Variants in SLC14A2 observed in about 807,000 individuals in gnomAD.
The protein encoded by SLC14A2 is solute carrier family 14 member 2, also known as urea transporter 2.
Under a neutral mutation model 104.6 loss-of-function variants are expected in SLC14A2, and 91 were observed. The observed-to-expected ratio is 0.87, with a 90% CI of 0.73 to 1.04. The LOEUF (loss-of-function observed/expected upper bound fraction) is 1.04, where lower values mean the gene tolerates loss of function less well. Ranked by LOEUF, SLC14A2 falls within the 50% of genes least tolerant of loss-of-function variation. The pLI is 0.00. For synonymous variants in SLC14A2, 476 were observed against 466.4 expected (o/e 1.02, Z -0.27); for missense variants, 1,189 against 1,156.0 (o/e 1.03, Z -0.41).
chr18:45,438,484 T>C (rs1411419510), intron 1 of SLC14A2: 2 of 152,232 alleles, frequency 1.3e-5, no homozygotes, highest in African/African-American at 4.8e-5. Context: ...TGGGTGTTCA[T>C]ACATGTGTGT....
intron 2 of SLC14A2, among the ~76,000 whole-genome samples, chr18:45,538,549 G>A (rs2043833042): frequency 6.6e-6 from 1 of 152,200 alleles, no homozygotes; most frequent in African/African-American, 2.4e-5. Context: ...TCCCCTGTGG[G>A]CTTCCCCGTA....
At chr18:45,454,295 G>A (rs888090438) in intron 1 of SLC14A2, among the ~76,000 whole-genome samples, 4 of 152,136 alleles carry the variant, frequency 2.6e-5, no homozygotes, top group Non-Finnish European at 5.9e-5. Context: ...TTAAGTGACC[G>A]ATCCAGGTTC....
chr18:45,263,656 T>C (rs1249458905), intron 1 of SLC14A2, among the ~76,000 whole-genome samples: 7 of 152,206 alleles, frequency 4.6e-5, no homozygotes, highest in Non-Finnish European at 1.0e-4. Flanking sequence ...TTGTTTCTCC[T>C]ATGTTTTTTA....
intron 19 of SLC14A2, among the ~76,000 whole-genome samples, chr18:45,681,649 C>T (rs1294684434): frequency 1.3e-5 from 2 of 152,208 alleles, no homozygotes; most frequent in African/African-American, 4.8e-5. Context: ...TTGCCTCTCT[C>T]CATCTCTCTG....
At chr18:45,574,083 G>A (rs956780775) in intron 2 of SLC14A2, among the ~76,000 whole-genome samples, 1 of 152,174 alleles carries the variant, frequency 6.6e-6, no homozygotes, top group African/African-American at 2.4e-5. Flanking sequence ...TTTTTAAATG[G>A]GTAGGATTTG....
chr18:45,644,097 C>T lies in SLC14A2; in HGVS notation c.1288C>T (p.Pro430Ser), dbSNP rs2045579180. Reference protein sequence around the residue: ...FRLPLSKVTYPEANRIYYLTV... With the variant: ...FRLPLSKVTYSEANRIYYLTV... ...ACTCCCACTCAGCAAAGTCACCTAC[C>T]CCGAGGCCAACCGCATCTACTACCT... Residue 430 changes from proline (P) to serine (S), a missense_variant, in exon 10 of 20, where the codon CCC (proline) becomes TCC (serine). Transcript: ENST00000255226. 2.5e-6 allele frequency: 4 copies of T among 1,614,222 alleles called. No homozygotes were observed. Among genetic ancestry groups the T allele is most frequent in the Non-Finnish European group, 3.4e-6 (4 of 1,180,046 alleles).
chr18:45,651,283 G>GGAGGGCATGCCAAGAT (rs1365501230), intron 10 of SLC14A2, among the ~76,000 whole-genome samples: 36 of 152,288 alleles, frequency 2.4e-4, no homozygotes, highest in African/African-American at 8.4e-4. Context: ...CTTTGGCAAA[G>GGAGGGCATGCCAAGAT]GAGGGCATGC....
intron 1 of SLC14A2, among the ~76,000 whole-genome samples, chr18:45,447,100 T>C (rs191755320): frequency 6.6e-6 from 1 of 151,928 alleles, no homozygotes; most frequent in Non-Finnish European, 1.5e-5. Context: ...CCATAGCTCC[T>C]GGTGGGAGGG....
At chr18:45,230,769 T>G (rs1406790251) in intron 1 of SLC14A2, among the ~76,000 whole-genome samples, 1 of 152,212 alleles carries the variant, frequency 6.6e-6, no homozygotes, top group Non-Finnish European at 1.5e-5. Context: ...TTTTAAGAAA[T>G]GTTGAACTGA....
At chr18:45,352,781 G>A (rs1734132597) in intron 1 of SLC14A2, among the ~76,000 whole-genome samples, 1 of 152,092 alleles carries the variant, frequency 6.6e-6, no homozygotes, top group Non-Finnish European at 1.5e-5. Context: ...TAAGGTTGAG[G>A]GACAGTAACT....
chr18:45,219,728 A>G (rs976709864), intron 1 of SLC14A2, among the ~76,000 whole-genome samples: 10 of 152,184 alleles, frequency 6.6e-5, no homozygotes, highest in African/African-American at 2.4e-4. Flanking sequence ...AACTTTCCTA[A>G]GTAAATACCT....
chr18:45,238,541 A>G (rs148138488), intron 1 of SLC14A2, among the ~76,000 whole-genome samples: 2 of 152,072 alleles, frequency 1.3e-5, no homozygotes, highest in East Asian at 3.9e-4. Context: ...GACTTGGAAA[A>G]GATGACCATT....
intron 1 of SLC14A2, among the ~76,000 whole-genome samples, chr18:45,259,352 G>A (rs1441725322): frequency 1.3e-5 from 2 of 152,176 alleles, no homozygotes; most frequent in East Asian, 3.9e-4. Context: ...GAAAGAAACA[G>A]CATTTGGATA....
At chr18:45,313,783 T>C (rs962437496) in intron 1 of SLC14A2, among the ~76,000 whole-genome samples, 3 of 152,242 alleles carry the variant, frequency 2.0e-5, no homozygotes, top group Non-Finnish European at 4.4e-5. Context: ...ATTTAGGATT[T>C]TTCAACATCT....
the SLC14A2 span, among the ~76,000 whole-genome samples, chr18:45,189,540 G>C: frequency 6.6e-6 from 1 of 152,178 alleles, no homozygotes; most frequent in East Asian, 1.9e-4. Context: ...AAAAAGTAGA[G>C]TAGAATGATT....
chr18:45,447,042 T>C (rs78263254), intron 1 of SLC14A2, among the ~76,000 whole-genome samples: 2,012 of 152,210 alleles, frequency 0.013, 18 homozygotes, highest in Non-Finnish European at 0.02. Flanking sequence ...GTCTCAGCAC[T>C]TTCTAGTTTG....
chr18:45,249,282 CTT>C (rs879493629), intron 1 of SLC14A2, among the ~76,000 whole-genome samples: 49 of 140,830 alleles, frequency 3.5e-4, no homozygotes, highest in Non-Finnish European at 3.6e-4. Flanking sequence ...ATGCTCCAGC[CTT>C]TTTTTTTTTT....
chr18:45,577,711 TG>T (rs2044435163), intron 2 of SLC14A2, among the ~76,000 whole-genome samples: 1 of 152,142 alleles, frequency 6.6e-6, no homozygotes, highest in African/African-American at 2.4e-5. Context: ...ATCCCATTGC[TG>T]TGAAGTACAG....
the SLC14A2 span, chr18:45,168,872 T>A: frequency 6.6e-6 from 1 of 152,170 alleles, no homozygotes; most frequent in Non-Finnish European, 1.5e-5. Flanking sequence ...CTCTATATAT[T>A]AAAACTTTTT....
Sources: allele counts gnomAD v4.1 joint callset (sites outside exome capture counted in the v4.1 genomes callset), GRCh38; gene constraint gnomAD v4.1.1; transcripts MANE v1.5; gene names NCBI Gene and HGNC (gene_info 2026-07-23, HGNC 2026-07-21).